The following KIFC2 variants were observed in gnomAD, a reference collection of about 807,000 sequenced individuals.
The protein encoded by KIFC2 is kinesin family member C2, also known as kinesin-like protein KIFC2.
A neutral mutation model predicts 91.5 loss-of-function variants in KIFC2; 94 were observed. That is an observed-to-expected ratio of 1.03 (90% CI 0.87 to 1.22). The LOEUF is 1.22. Ranked by LOEUF, KIFC2 falls within the 50% of genes most tolerant of loss-of-function variation. The probability of loss-of-function intolerance (pLI) is 0.00; values close to 1 mark genes in which losing one functional copy is unlikely to be tolerated. For synonymous variants in KIFC2, 729 were observed against 503.9 expected (o/e 1.45, Z -5.98); for missense variants, 1,357 against 1,103.3 (o/e 1.23, Z -3.26).
rs1824687864 is a variant in KIFC2 at position 144,467,070 on chromosome 8, G to A, written c.290G>A (p.Gly97Glu). 1 of 1,597,022 alleles carries A rather than the reference G, an allele frequency of 6.3e-7. No individual in the cohort carries two copies. Among genetic ancestry groups the A allele is most frequent in the African/African-American group, 1.3e-5 (1 of 74,622 alleles). ...RLAEFLSVQL[G>E]AEESCGGPAD... ...GCCGAGTTCCTCTCCGTCCAGCTGGGGGCGGAAGAGAGCTGCGGGGGCCCG... is the reference window on the plus strand; with the variant it reads ...GCCGAGTTCCTCTCCGTCCAGCTGGAGGCGGAAGAGAGCTGCGGGGGCCCG... The change falls in exon 3 of 18, where the codon GGG (glycine) becomes GAG (glutamate). Residue 97 changes from glycine to glutamate, a missense_variant. Transcript: ENST00000645548.
At chr8:144,470,654 C>T (rs1376520210) in intron 12 of KIFC2, 1 of 152,326 alleles carries the variant, frequency 6.6e-6, no homozygotes, top group Non-Finnish European at 1.5e-5. Context: ...GCTCAAAAGA[C>T]TGTTGGTGTC....
At position 144,468,373 on chromosome 8, in the gene KIFC2, G is replaced by A. The variant is rs1468501302; in HGVS notation, c.855G>A (p.Glu285=). 3 of 1,612,900 alleles carry A rather than the reference G, an allele frequency of 1.9e-6. No homozygotes were observed. Among genetic ancestry groups the A allele is most frequent in the Admixed American group, 1.7e-5 (1 of 59,980 alleles). Residue 285 remains glutamate, a synonymous_variant, in exon 8 of 18, where the codon GAG becomes GAA. Transcript: ENST00000645548. ...ALLELQGRLQ[E]AQDTTEALRA... ...TAGAGCTCCAGGGCCGGCTTCAGGA[G>A]GCCCAAGACACCACAGAAGCCCTCC...
At chr8:144,466,567 C>G in intron 1 of KIFC2, 49 bp downstream of exon 1, 1 of 1,025,376 alleles carries the variant, frequency 9.8e-7, no homozygotes, top group Non-Finnish European at 1.2e-6. Flanking sequence ...GCCTGCCCCA[C>G]CCCCACGCCG....
chr8:144,471,732 T>G (rs1300779290), intron 12 of KIFC2, among the ~76,000 whole-genome samples: 6 of 152,174 alleles, frequency 3.9e-5, no homozygotes, highest in Non-Finnish European at 7.3e-5. Context: ...TTTTCCCTTC[T>G]TTGCCTGGCA....
rs1242931533 is a variant in KIFC2 at position 144,473,231 on chromosome 8, G to A, written c.2218G>A (p.Val740Ile). Residue 740 changes from valine (V) to isoleucine (I), a missense_variant, in exon 18 of 18, where the codon GTC (valine) becomes ATC (isoleucine). By Grantham distance (29) the Val-to-Ile change is conservative. Transcript: ENST00000645548. ...VELGPARRRR[V>I]PRSSGTPSSL... is the part of the protein sequence containing the mutation. Reference sequence around the variant, plus strand: ...GCTGGGGCCAGCCCGGCGCCGCAGGGTCCCGCGCTCCTCCGGGACGCCTTC... The same window carrying A: ...GCTGGGGCCAGCCCGGCGCCGCAGGATCCCGCGCTCCTCCGGGACGCCTTC... 4.4e-6 allele frequency: 7 copies of A among 1,598,752 alleles called. No homozygotes were observed. The highest frequency in any genetic ancestry group is 2.3e-5 in the South Asian group (2 of 88,658).
Position 144,473,217 on chromosome 8 carries a change from C to A in KIFC2, c.2204C>A (p.Ala735Asp). ...DRVGQVELGP[A>D]RRRRVPRSSG... ...GTGGGTCAAGTGGAGCTGGGGCCAG[C>A]CCGGCGCCGCAGGGTCCCGCGCTCC... is the stretch of plus-strand genomic sequence containing the variant. The change falls in exon 18 of 18, where the codon GCC (alanine) becomes GAC (aspartate). Residue 735 changes from alanine to aspartate, a missense_variant. Ala to Asp is a moderately radical substitution (Grantham distance 126, BLOSUM62 -2). Transcript: ENST00000645548. 1 of 1,591,876 alleles carries A rather than the reference C, an allele frequency of 6.3e-7. No homozygotes were observed. The highest frequency in any genetic ancestry group is 1.1e-5 in the South Asian group (1 of 87,776).
chr8:144,473,615 C>T lies in KIFC2; in HGVS notation c.*226C>T, dbSNP rs1825035120. The T allele has an allele frequency of 3.4e-6, 2 of 594,168 alleles. No individual in the cohort carries two copies. The highest frequency in any genetic ancestry group is 2.7e-6 in the Non-Finnish European group (1 of 367,254). The allele number at this position is 594,168 out of a possible 1,614,324, so 36.8% of individuals were successfully genotyped here. A position where few individuals can be genotyped will look rare whatever the true frequency, so the allele number is the denominator to read the frequency against. ...CCCAGCCCTGCATCAGGCCACAGGT[C>T]TTGGCTTTCTCCTTATCACCATTTG... On this transcript the variant is annotated 3_prime_UTR_variant, in exon 18 of 18. Coordinates refer to ENST00000645548, the MANE Select transcript of KIFC2 (RefSeq NM_001369769.2).
In KIFC2 at chr8:144,473,113, C is replaced by T; in HGVS notation, c.2119-19C>T. 1.9e-6 allele frequency: 3 copies of T among 1,547,406 alleles called. No homozygotes were observed. Among genetic ancestry groups the T allele is most frequent in the Non-Finnish European group, 2.6e-6 (3 of 1,146,714 alleles). ...TCGCCGCCCACCCGGGCCCGCCCAC[C>T]CGCGCCTCTTGCCCGCAGATCTCCA... On this transcript the variant is annotated intron_variant, in intron 17 of 17. Coordinates refer to ENST00000645548, the MANE Select transcript of KIFC2 (RefSeq NM_001369769.2).
At position 144,472,743 on chromosome 8, in the gene KIFC2, A is replaced by G. The variant is rs780092328; in HGVS notation, c.1861+37A>G. On this transcript the variant is annotated intron_variant, in intron 16 of 17. Coordinates refer to ENST00000645548, the MANE Select transcript of KIFC2 (RefSeq NM_001369769.2). ...GGTGCCTGAGCCCTGCGGAGTCTCC[A>G]GAGCACCCGAGGCCCGGCCTTCCCC... 3 of 1,592,040 alleles carry G rather than the reference A, an allele frequency of 1.9e-6. No individual in the cohort carries two copies. The East Asian group carries it at 6.7e-5, about 36-fold the overall frequency.
Position 144,467,882 on chromosome 8 carries a change from G to A in KIFC2, c.705G>A (p.Arg235=), listed in dbSNP as rs137874445. 10 of 1,613,504 alleles carry A rather than the reference G, an allele frequency of 6.2e-6. No homozygotes were observed. Among genetic ancestry groups the A allele is most frequent in the Non-Finnish European group, 8.5e-6 (10 of 1,179,810 alleles). ...LGVGATDSEK[R]VQHLTLENEA... The stretch of plus-strand genomic sequence containing the variant: ...AGGGGGCGACGGACTCAGAGAAAAG[G>A]GTTCAGCATCTGACTCTGGAGAACG... The change falls in exon 7 of 18, where the codon AGG becomes AGA. Residue 235 remains arginine (R), a synonymous_variant. Coordinates refer to ENST00000645548, the MANE Select transcript of KIFC2 (RefSeq NM_001369769.2).
chr8:144,467,826 T>G (rs764032666), intron 6 of KIFC2, 33 bp from the exon 7 acceptor site: 1 of 1,613,406 alleles, frequency 6.2e-7, no homozygotes, highest in South Asian at 1.1e-5. Context: ...GAGGGGGTGC[T>G]TCAGGTGAGT....
intron 12 of KIFC2, 44 bp downstream of exon 12, chr8:144,469,691 T>C: frequency 2.0e-6 from 3 of 1,536,076 alleles, no homozygotes; most frequent in Non-Finnish European, 2.6e-6. Flanking sequence ...TTTTCAGAGT[T>C]CCCTGAAGAG....
In KIFC2 at chr8:144,467,274, C is replaced by T; in HGVS notation, c.402C>T (p.Pro134=). The stretch of plus-strand genomic sequence containing the variant: ...CCCTTCTGGCATGGCTTCGAAGCCC[C>T]AGGGGGAGGCAGGCCCTGCTCCAGG... ...LLALLAWLRS[P]RGRQALLQGT... is the part of the protein sequence containing the mutation. Residue 134 remains proline, a synonymous_variant, in exon 4 of 18, where the codon CCC becomes CCT. Transcript: ENST00000645548. 1 of 1,613,394 alleles carries T rather than the reference C, an allele frequency of 6.2e-7. No homozygotes were observed. Among genetic ancestry groups the T allele is most frequent in the Non-Finnish European group, 8.5e-7 (1 of 1,179,978 alleles).
chr8:144,468,353 C>T lies in KIFC2; in HGVS notation c.835C>T (p.Leu279Phe), dbSNP rs578200218. 2 of 1,612,660 alleles carry T rather than the reference C, an allele frequency of 1.2e-6. No individual in the cohort carries two copies. The highest frequency in any genetic ancestry group is 4.5e-5 in the East Asian group (2 of 44,852). The change falls in exon 8 of 18, where the codon CTC becomes TTC. Residue 279 changes from leucine to phenylalanine, a missense_variant. Coordinates refer to ENST00000645548, the MANE Select transcript of KIFC2 (RefSeq NM_001369769.2). ...GGAGGAGGCAGAGGCATTGCTAGAGCTCCAGGGCCGGCTTCAGGAGGCCCA... is the reference window on the plus strand; with the variant it reads ...GGAGGAGGCAGAGGCATTGCTAGAGTTCCAGGGCCGGCTTCAGGAGGCCCA... Reference protein sequence around the residue: ...PQEEAEALLELQGRLQEAQDT... With the variant: ...PQEEAEALLEFQGRLQEAQDT...
chr8:144,472,105 G>A, intron 13 of KIFC2, 33 bp from the exon 14 acceptor site: 9 of 1,613,050 alleles, frequency 5.6e-6, no homozygotes, highest in Non-Finnish European at 7.6e-6. Flanking sequence ...TGACTTGGAT[G>A]TGAGCCCGGT....
In KIFC2 at chr8:144,472,862, G is replaced by C; in HGVS notation, c.1929G>C (p.Pro643=). 1 of 1,543,416 alleles carries C rather than the reference G, an allele frequency of 6.5e-7. No individual in the cohort carries two copies. The highest frequency in any genetic ancestry group is 8.6e-7 in the Non-Finnish European group (1 of 1,158,008). Reference sequence around the variant, plus strand: ...GGAAGGCAGGGGCGGCCGGCCCGCCGCGGGGAGACCCAGACGGCGCCCGGC... The same window carrying C: ...GGAAGGCAGGGGCGGCCGGCCCGCCCCGGGGAGACCCAGACGGCGCCCGGC... ...RARKAGAAGP[P]RGDPDGARRL... is the part of the protein sequence containing the mutation. Residue 643 remains proline, a synonymous_variant, in exon 17 of 18, where the codon CCG becomes CCC. Coordinates refer to ENST00000645548, the MANE Select transcript of KIFC2 (RefSeq NM_001369769.2).
Position 144,472,502 on chromosome 8 carries a change from T to C in KIFC2, c.1731+18T>C. Reference sequence around the variant, plus strand: ...TGCACCAGGTAGGGCTGCACCGCTCTCCGAGACCCCGCCCCGTGCTTCCAC... The same window carrying C: ...TGCACCAGGTAGGGCTGCACCGCTCCCCGAGACCCCGCCCCGTGCTTCCAC... On this transcript the variant is annotated intron_variant, in intron 15 of 17. Transcript: ENST00000645548. 1 of 1,611,250 alleles carries C rather than the reference T, an allele frequency of 6.2e-7. No individual in the cohort carries two copies.
upstream of KIFC2, chr8:144,466,206 G>C: frequency 5.5e-6 from 1 of 181,448 alleles, no homozygotes. Flanking sequence ...GGGCGCGCCG[G>C]GCGGCGCCGT....
rs775158809 is a variant in KIFC2, at chr8:144,466,836, C to A, written c.176C>A (p.Ala59Asp). 2.0e-6 allele frequency: 3 copies of A among 1,536,784 alleles called. No individual in the cohort carries two copies. ...PELWTELTGL[A>D]ASSEPEDGSE... The stretch of plus-strand genomic sequence containing the variant: ...CTGTGGACCGAGCTGACCGGCCTGG[C>A]CGGTAGGTGCGGGCTGGGAGTCCCG... The change falls in exon 2 of 18, where the codon GCC becomes GAC. Residue 59 changes from alanine to aspartate, a missense_variant and splice_region_variant. By Grantham distance (126) the Ala-to-Asp change is moderately radical (BLOSUM62 -2). Transcript: ENST00000645548.
Sources: allele counts gnomAD v4.1 joint callset (sites outside exome capture counted in the v4.1 genomes callset), GRCh38; gene constraint gnomAD v4.1.1; transcripts MANE v1.5; gene names NCBI Gene and HGNC (gene_info 2026-07-23, HGNC 2026-07-21).